The following CAMK1D variants were observed in gnomAD, a reference collection of about 807,000 sequenced individuals.
The protein encoded by CAMK1D is calcium/calmodulin dependent protein kinase ID, also known as calcium/calmodulin-dependent protein kinase type 1D.
Under a neutral mutation model 47.7 loss-of-function variants are expected in CAMK1D, and 9 were observed. The observed-to-expected ratio is 0.19, with a 90% CI of 0.11 to 0.33. CAMK1D has a LOEUF of 0.33. Ranked by LOEUF, CAMK1D falls within the 10% of genes least tolerant of loss-of-function variation. The pLI is 1.00. For missense variants in CAMK1D, 291 were observed against 488.7 expected (o/e 0.60, Z 3.81); for synonymous variants, 184 against 184.9 (o/e 0.99, Z 0.04).
At chr10:12,768,204 A>G (rs1248300651) in intron 4 of CAMK1D, among the ~76,000 whole-genome samples, 1 of 152,160 alleles carries the variant, frequency 6.6e-6, no homozygotes. Flanking sequence ...TTTGCCCACA[A>G]GGAATTTCCT....
chr10:12,719,722 C>A (rs1485429519), intron 3 of CAMK1D, among the ~76,000 whole-genome samples: 1 of 152,234 alleles, frequency 6.6e-6, no homozygotes, highest in Non-Finnish European at 1.5e-5. Context: ...GCCACTCTTA[C>A]TCCTCCTCCT....
At chr10:12,639,207 C>T (rs1249451280) in intron 2 of CAMK1D, among the ~76,000 whole-genome samples, 5 of 152,206 alleles carry the variant, frequency 3.3e-5, no homozygotes, top group Non-Finnish European at 7.3e-5. Flanking sequence ...CTAATCAGGC[C>T]GGGTGCAGTG....
At chr10:12,508,230 G>A (rs1834935709) in intron 1 of CAMK1D, among the ~76,000 whole-genome samples, 1 of 152,218 alleles carries the variant, frequency 6.6e-6, no homozygotes, top group African/African-American at 2.4e-5. Flanking sequence ...TATTCATGAA[G>A]GCCAAAAGGT....
intron 1 of CAMK1D, among the ~76,000 whole-genome samples, chr10:12,356,533 C>T (rs1467423565): frequency 1.3e-5 from 2 of 152,096 alleles, no homozygotes; most frequent in East Asian, 3.9e-4. Flanking sequence ...GCAGCCTGGC[C>T]AACGTGGTGA....
chr10:12,752,172 G>A (rs796389863), intron 3 of CAMK1D, among the ~76,000 whole-genome samples: 7 of 152,092 alleles, frequency 4.6e-5, no homozygotes, highest in African/African-American at 1.7e-4. Flanking sequence ...TTGTAGAGAT[G>A]GGATTTCACC....
At chr10:12,757,689 G>T (rs1308474187) in intron 3 of CAMK1D, among the ~76,000 whole-genome samples, 1 of 152,116 alleles carries the variant, frequency 6.6e-6, no homozygotes, top group Non-Finnish European at 1.5e-5. Context: ...AGTTCTGGAG[G>T]CTGGACGTCT....
intron 4 of CAMK1D, among the ~76,000 whole-genome samples, chr10:12,769,136 C>T (rs1043931624): frequency 1.3e-5 from 2 of 152,170 alleles, no homozygotes; most frequent in Admixed American, 6.5e-5. Context: ...TCATTTATTC[C>T]GGGATGGCAT....
chr10:12,587,984 T>G (rs903447649), intron 2 of CAMK1D, among the ~76,000 whole-genome samples: 1 of 152,180 alleles, frequency 6.6e-6, no homozygotes, highest in Admixed American at 6.5e-5. Flanking sequence ...TAAGGATATA[T>G]GTACATGCAG....
At chr10:12,575,819 T>G (rs1281574513) in intron 2 of CAMK1D, among the ~76,000 whole-genome samples, 1 of 152,178 alleles carries the variant, frequency 6.6e-6, no homozygotes, top group East Asian at 1.9e-4. Flanking sequence ...ATTTGTGGGT[T>G]GTATCCCCTA....
chr10:12,702,534 C>T (rs1384699426), intron 3 of CAMK1D, among the ~76,000 whole-genome samples: 1 of 152,226 alleles, frequency 6.6e-6, no homozygotes. Flanking sequence ...CTAGGAATAA[C>T]AGTAGCTAAC....
chr10:12,613,211 C>G (rs145265206), intron 2 of CAMK1D, among the ~76,000 whole-genome samples: 160 of 152,300 alleles, frequency 1.1e-3, no homozygotes, highest in African/African-American at 3.7e-3. Context: ...TTTCCACAAA[C>G]AGAAGTTTAG....
intron 2 of CAMK1D, among the ~76,000 whole-genome samples, chr10:12,569,896 G>T (rs533662649): frequency 6.6e-6 from 1 of 151,536 alleles, no homozygotes; most frequent in African/African-American, 2.4e-5. Flanking sequence ...AGTACTTGAG[G>T]TAACTACTTT....
chr10:12,802,816 G>T (rs548295174), intron 6 of CAMK1D, among the ~76,000 whole-genome samples: 108 of 152,236 alleles, frequency 7.1e-4, no homozygotes, highest in African/African-American at 2.5e-3. Context: ...CCCCGCCCCC[G>T]GCCTGCTCTT....
At chr10:12,491,603 C>T (rs975284811) in intron 1 of CAMK1D, among the ~76,000 whole-genome samples, 1 of 152,054 alleles carries the variant, frequency 6.6e-6, no homozygotes, top group Non-Finnish European at 1.5e-5. Context: ...GCAGGTTGTG[C>T]CTGCCTTTCC....
intron 3 of CAMK1D, among the ~76,000 whole-genome samples, chr10:12,709,938 T>A (rs1022096063): frequency 2.5e-4 from 38 of 152,278 alleles, no homozygotes; most frequent in African/African-American, 8.9e-4. Context: ...TGCCTGCAGT[T>A]TCTTGTTTTT....
intron 1 of CAMK1D, among the ~76,000 whole-genome samples, chr10:12,487,182 T>C (rs981455971): frequency 3.3e-5 from 5 of 152,136 alleles, no homozygotes; most frequent in Non-Finnish European, 7.4e-5. Context: ...TCCTCCACCC[T>C]GAAGGAGGCC....
At chr10:12,593,586 G>A (rs141864719) in intron 2 of CAMK1D, among the ~76,000 whole-genome samples, 3,355 of 150,972 alleles carry the variant, frequency 0.022, 49 homozygotes, top group African/African-American at 0.038. Flanking sequence ...GCGAAACTCC[G>A]TCTCAAAAAA....
At chr10:12,535,957 G>A (rs1564397508) in intron 1 of CAMK1D, among the ~76,000 whole-genome samples, 1 of 152,150 alleles carries the variant, frequency 6.6e-6, no homozygotes, top group Non-Finnish European at 1.5e-5. Context: ...GGGCTTAACA[G>A]TGTGGCTGTT....
At chr10:12,488,525 A>G (rs993841791) in intron 1 of CAMK1D, among the ~76,000 whole-genome samples, 2 of 152,070 alleles carry the variant, frequency 1.3e-5, no homozygotes, top group African/African-American at 4.8e-5. Context: ...GTGGACTGGG[A>G]TGGGGGATGG....
Sources: allele counts gnomAD v4.1 joint callset (sites outside exome capture counted in the v4.1 genomes callset), GRCh38; gene constraint gnomAD v4.1.1; transcripts MANE v1.5; gene names NCBI Gene and HGNC (gene_info 2026-07-23, HGNC 2026-07-21).